The following ELF1 variants were observed in gnomAD, a reference collection of about 807,000 sequenced individuals.
ELF1 encodes ETS-related transcription factor Elf-1.
ELF1 carries 24 observed loss-of-function variants against 59.9 expected under a neutral mutation model. That is an observed-to-expected ratio of 0.40 (90% CI 0.29 to 0.56). The LOEUF (loss-of-function observed/expected upper bound fraction) is 0.56, where lower values mean the gene tolerates loss of function less well. Ranked by LOEUF, ELF1 falls within the 20% of genes least tolerant of loss-of-function variation. ELF1 has a pLI of 0.44. For synonymous variants in ELF1, 248 were observed against 266.2 expected, an observed-to-expected ratio of 0.93 and a Z score of 0.67; for missense variants, 627 against 742.2, an observed-to-expected ratio of 0.84 and a Z score of 1.80.
At chr13:40,977,971 G>A (rs1316148330) in intron 2 of ELF1, among the ~76,000 whole-genome samples, 20 of 152,174 alleles carry the variant, frequency 1.3e-4, no homozygotes, top group Non-Finnish European at 2.9e-4. Flanking sequence ...AAATGGTGAA[G>A]GGCTAACACC....
rs921764247 is a variant in ELF1 at position 40,954,487 on chromosome 13, C to T, written c.254-3051G>A. Among the ~76,000 whole-genome samples, 122 of 148,262 alleles carry T rather than the reference C, an allele frequency of 8.2e-4. 1 individual carries two copies. Among genetic ancestry groups the T allele is most frequent in the East Asian group, 9.9e-4 (5 of 5,072 alleles). On this transcript the variant is annotated intron_variant, in intron 3 of 8. Transcript: ENST00000239882. ...TCTCCCTCTCTTTCCACGGTCTCCC[C>T]CTGATGCCGAGCCAAAGCTGGACTG... is the stretch of plus-strand genomic sequence containing the variant.
At chr13:40,973,815 A>G (rs1385810207) in intron 2 of ELF1, among the ~76,000 whole-genome samples, 6 of 152,224 alleles carry the variant, frequency 3.9e-5, no homozygotes, top group Non-Finnish European at 8.8e-5. Context: ...TCCATATGAT[A>G]CAATATTATT....
chr13:40,945,573 T>C (rs1158854588), intron 5 of ELF1, among the ~76,000 whole-genome samples: 3 of 152,234 alleles, frequency 2.0e-5, no homozygotes, highest in African/African-American at 7.2e-5. Flanking sequence ...CCTAGATTTA[T>C]TGTAGCTGAA....
chr13:41,027,538 A>G (rs1211931112), intron 1 of ELF1, among the ~76,000 whole-genome samples: 3 of 152,194 alleles, frequency 2.0e-5, no homozygotes, highest in Non-Finnish European at 4.4e-5. Context: ...ATGAGCCCCC[A>G]GTATGGCACC....
At chr13:40,940,020 G>T (rs1870030695) in intron 8 of ELF1, among the ~76,000 whole-genome samples, 1 of 152,078 alleles carries the variant, frequency 6.6e-6, no homozygotes, top group Admixed American at 6.5e-5. Flanking sequence ...TTCTAAGTCT[G>T]CCTTGATTCT....
At chr13:41,060,879 C>T (rs1434051943) in exon 1 of ELF1, 9 of 340,502 alleles carry the variant, frequency 2.6e-5, no homozygotes, top group African/African-American at 9.4e-5. Flanking sequence ...CCGCACCTCT[C>T]GCCACCGCCG....
At position 40,972,088 on chromosome 13, in the gene ELF1, T is replaced by C. The variant is rs986016484; in HGVS notation, c.72+9895A>G. Among the ~76,000 whole-genome samples, 2 of 152,140 alleles carry C rather than the reference T, an allele frequency of 1.3e-5. 1 individual carries two copies. Among genetic ancestry groups the C allele is most frequent in the East Asian group, 3.8e-4 (2 of 5,202 alleles). ...TGCAGATTCCATATAACTCAAAGAA[T>C]TTTAAAAAATCATAAAGGGCAATTT... On this transcript the variant is annotated intron_variant, in intron 2 of 8. Coordinates refer to ENST00000239882, the MANE Select transcript of ELF1 (RefSeq NM_172373.4).
intron 1 of ELF1, among the ~76,000 whole-genome samples, chr13:41,054,317 CG>C (rs1265653594): frequency 1.3e-5 from 2 of 152,206 alleles, no homozygotes; most frequent in African/African-American, 4.8e-5. Context: ...CATGCACCAA[CG>C]TGGAAGAACC....
chr13:41,060,294 G>C (rs970137722), intron 1 of ELF1, among the ~76,000 whole-genome samples: 1 of 152,242 alleles, frequency 6.6e-6, no homozygotes, highest in Non-Finnish European at 1.5e-5. Flanking sequence ...CGCGGGCTCT[G>C]GGGCGCCCAG....
In ELF1 at chr13:40,982,923, T is replaced by C. The variant is rs895297058; in HGVS notation, c.-228-641A>G. ...CTGAAATGTATCCTTATCTCTAGTA[T>C]AGGCTTGCAAGCAACAGGAAGGAAA... On this transcript the variant is annotated intron_variant, in intron 1 of 8. Transcript: ENST00000239882. 9.2e-5 allele frequency: 89 copies of C among 971,296 alleles called. No individual in the cohort carries two copies. In the Middle Eastern group the frequency reaches 2.6e-3, roughly 29 times the overall value. The allele number at this position is 971,296 out of a possible 1,614,324, so 60.2% of individuals were successfully genotyped here. A position where few individuals can be genotyped will look rare whatever the true frequency, so the allele number is the denominator to read the frequency against.
At chr13:40,992,372 T>C (rs1202622592) in intron 1 of ELF1, among the ~76,000 whole-genome samples, 6 of 152,220 alleles carry the variant, frequency 3.9e-5, no homozygotes, top group Admixed American at 1.3e-4. Flanking sequence ...AGCTAGATCT[T>C]TAGAAAGGAA....
At chr13:41,057,323 AT>A (rs147627377) in intron 1 of ELF1, among the ~76,000 whole-genome samples, 2 of 150,760 alleles carry the variant, frequency 1.3e-5, no homozygotes, top group South Asian at 4.2e-4. Flanking sequence ...CACCTGGCTA[AT>A]TTTTTTTTAA....
intron 5 of ELF1, among the ~76,000 whole-genome samples, chr13:40,948,974 A>G (rs1870674813): frequency 6.6e-6 from 1 of 152,180 alleles, no homozygotes; most frequent in Non-Finnish European, 1.5e-5. Context: ...AAAAGTATAA[A>G]ATAATTTAAT....
chr13:41,016,838 C>T (rs1240766208), intron 1 of ELF1, among the ~76,000 whole-genome samples: 3 of 141,180 alleles, frequency 2.1e-5, no homozygotes, highest in Non-Finnish European at 4.5e-5. Context: ...TGCTTGAACC[C>T]GGGAGACGGA....
chr13:40,942,546 G>A (rs1359107004), intron 7 of ELF1, among the ~76,000 whole-genome samples: 1 of 151,660 alleles, frequency 6.6e-6, no homozygotes, highest in Non-Finnish European at 1.5e-5. Context: ...TTTGAGACAG[G>A]GTCTCACTCC....
chr13:40,998,220 G>C (rs1320674971), intron 1 of ELF1, among the ~76,000 whole-genome samples: 1 of 152,162 alleles, frequency 6.6e-6, no homozygotes, highest in African/African-American at 2.4e-5. Flanking sequence ...GCTTAGTACT[G>C]TAAGATATAT....
At chr13:40,963,897 C>T (rs776645773) in intron 2 of ELF1, among the ~76,000 whole-genome samples, 12 of 151,232 alleles carry the variant, frequency 7.9e-5, no homozygotes, top group Non-Finnish European at 1.8e-4. Context: ...CGGAGCAAGA[C>T]TCCGTCTCAA....
chr13:41,060,911 T>TGCCGCCGCC lies in ELF1; in HGVS notation c.-303_-302insGGCGGCGGC, dbSNP rs1225488758. The TGCCGCCGCC allele has an allele frequency of 4.2e-5, 11 of 264,454 alleles. 4 individuals are homozygous for TGCCGCCGCC. Among genetic ancestry groups the TGCCGCCGCC allele is most frequent in the East Asian group, 2.3e-4 (2 of 8,726 alleles). The allele number at this position is 264,454 out of a possible 1,614,324, so 16.4% of individuals were successfully genotyped here. ...GCCGCCTCTGCGCTACTGAAGCTGC[T>TGCCGCCGCC]GCTGCCGCCGCCGCCGCCGCCGCCG... On this transcript the variant is annotated 5_prime_UTR_variant, in exon 1 of 2. Transcript: ENST00000405737.
At chr13:41,032,564 T>C (rs1876208182) in intron 1 of ELF1, among the ~76,000 whole-genome samples, 1 of 151,754 alleles carries the variant, frequency 6.6e-6, no homozygotes, top group Non-Finnish European at 1.5e-5. Context: ...TATAAGGAGA[T>C]TAAGAAAAAA....
Sources: gnomAD v4.1 joint callset for allele counts (sites outside exome capture counted in the v4.1 genomes callset) on GRCh38, gnomAD v4.1.1 for gene constraint, MANE v1.5 for transcripts, NCBI Gene and HGNC (gene_info 2026-07-23, HGNC 2026-07-21) for gene names.